Variants in C2orf92 observed in about 807,000 individuals in gnomAD.
C2orf92 encodes uncharacterized protein C2orf92.
chr2:97,669,601 CAT>C (rs1675342384), upstream of C2orf92: 1 of 389,106 alleles, frequency 2.6e-6, no homozygotes. Flanking sequence ...GGGCCACCAG[CAT>C]AGCCCCCGTC....
chr2:97,669,403 A>T (rs1675336045), upstream of C2orf92: 1 of 157,500 alleles, frequency 6.3e-6, no homozygotes, highest in Non-Finnish European at 1.4e-5. Flanking sequence ...CCCGGCTGTG[A>T]TGTCTTGATT....
At chr2:97,684,031 ATTTTTTTTTTTTT>A (rs1204247684) in intron 3 of C2orf92, among the ~76,000 whole-genome samples, 25 of 107,212 alleles carry the variant, frequency 2.3e-4, no homozygotes, top group African/African-American at 9.7e-4. Flanking sequence ...TGCCCAGCTA[ATTTTTTTTTTTTT>A]TTTTTTTTTG....
upstream of C2orf92, chr2:97,665,725 CTCTCTCTCTCTCTATA>C (rs1240104745): frequency 8.6e-4 from 39 of 45,166 alleles, no homozygotes; most frequent in African/African-American, 2.6e-3. Flanking sequence ...CTCTCTCTCT[CTCTCTCTCTCTCTATA>C]TATATATATA....
At chr2:97,693,643 A>G (rs1676211727) in intron 5 of C2orf92, among the ~76,000 whole-genome samples, 1 of 152,252 alleles carries the variant, frequency 6.6e-6, no homozygotes, top group African/African-American at 2.4e-5. Flanking sequence ...CTACTTGGTC[A>G]TAGTGAGGCT....
At chr2:97,700,239 C>T (rs2104607679) in intron 6 of C2orf92, among the ~76,000 whole-genome samples, 1 of 152,284 alleles carries the variant, frequency 6.6e-6, no homozygotes, top group South Asian at 2.1e-4. Flanking sequence ...CTCAGAGGGG[C>T]TCAGGAGCTC....
At chr2:97,673,127 AC>A (rs1342109996) in intron 1 of C2orf92, among the ~76,000 whole-genome samples, 3 of 152,056 alleles carry the variant, frequency 2.0e-5, no homozygotes, top group Non-Finnish European at 4.4e-5. Context: ...CATGGCTCCT[AC>A]CCCTGTTTTT....
chr2:97,679,921 G>A (rs942510796), intron 3 of C2orf92, among the ~76,000 whole-genome samples: 11 of 151,554 alleles, frequency 7.3e-5, no homozygotes, highest in Non-Finnish European at 1.6e-4. Flanking sequence ...AAAAAAAGCA[G>A]TAATGGGGGA....
chr2:97,671,436 G>A (rs1213058941), intron 1 of C2orf92: 4 of 398,316 alleles, frequency 1.0e-5, no homozygotes, highest in East Asian at 3.6e-5. Flanking sequence ...CGTGAGCCAC[G>A]GCACCTGGCC....
chr2:97,664,645 G>A (rs894105651), intron 1 of C2orf92: 7 of 152,082 alleles, frequency 4.6e-5, no homozygotes, highest in Non-Finnish European at 1.0e-4. Flanking sequence ...AAGTCGTCAC[G>A]GTGGGGTATT....
intron 5 of C2orf92, among the ~76,000 whole-genome samples, chr2:97,695,371 G>A (rs188105106): frequency 5.3e-5 from 8 of 152,172 alleles, no homozygotes; most frequent in South Asian, 2.1e-4. Flanking sequence ...TTATTCTTTC[G>A]CATATGATAT....
Position 97,672,630 on chromosome 2 carries a change from C to A in C2orf92, c.47-1826C>A, listed in dbSNP as rs573248853. Among the ~76,000 whole-genome samples, 7 of 151,726 alleles carry A rather than the reference C, an allele frequency of 4.6e-5. No individual in the cohort carries two copies. The East Asian group carries it at 1.4e-3, about 30-fold the overall frequency. ...GGGGGTTTGGGAAGCTCCCATCACC[C>A]CTCAAGAGTCCACTGACCAGCCCAG... is the stretch of plus-strand genomic sequence containing the variant. On this transcript the variant is annotated intron_variant, in intron 1 of 7. Coordinates refer to ENST00000627399, the MANE Select transcript of C2orf92 (RefSeq NM_001351368.2).
intron 5 of C2orf92, among the ~76,000 whole-genome samples, chr2:97,696,278 G>C (rs1165227081): frequency 6.6e-6 from 1 of 152,182 alleles, no homozygotes; most frequent in East Asian, 1.9e-4. Flanking sequence ...GAAGAGGGCT[G>C]AGAAGAACTG....
At chr2:97,664,392 G>C (rs1675135695) in exon 1 of C2orf92, 1 of 152,148 alleles carries the variant, frequency 6.6e-6, no homozygotes, top group South Asian at 2.1e-4. Flanking sequence ...CTCGGGCCAC[G>C]CTCCTTCGTG....
At chr2:97,682,756 C>T (rs966853971) in intron 3 of C2orf92, among the ~76,000 whole-genome samples, 2 of 151,654 alleles carry the variant, frequency 1.3e-5, no homozygotes, top group Non-Finnish European at 1.5e-5. Flanking sequence ...AAATTCAACA[C>T]CCTTTCATGA....
At chr2:97,686,546 C>T (rs969769260) in intron 3 of C2orf92, among the ~76,000 whole-genome samples, 2 of 152,010 alleles carry the variant, frequency 1.3e-5, no homozygotes, top group Non-Finnish European at 1.5e-5. Context: ...CAGCCTCCCG[C>T]GTAGCTGGGA....
intron 3 of C2orf92, among the ~76,000 whole-genome samples, chr2:97,684,827 T>C (rs1035561384): frequency 1.3e-5 from 2 of 152,298 alleles, no homozygotes; most frequent in East Asian, 1.9e-4. Flanking sequence ...AAAGAAGATA[T>C]ACAAATGGCC....
chr2:97,683,354 A>C (rs1277319735), intron 3 of C2orf92, among the ~76,000 whole-genome samples: 1 of 152,168 alleles, frequency 6.6e-6, no homozygotes, highest in East Asian at 1.9e-4. Flanking sequence ...ATAAAAGAAA[A>C]TAGAGAAACA....
In C2orf92 at chr2:97,675,883, G is replaced by C. The variant is rs1220407050; in HGVS notation, c.187G>C (p.Ala63Pro). 2 of 398,902 alleles carry C rather than the reference G, an allele frequency of 5.0e-6. No individual in the cohort carries two copies. 24.7% of individuals were successfully genotyped at this position (398,902 alleles called of 1,614,324 possible). A position where few individuals can be genotyped will look rare whatever the true frequency, so the allele number is the denominator to read the frequency against. Residue 63 changes from alanine (A) to proline (P), a missense_variant, in exon 3 of 8, where the codon GCA becomes CCA. Transcript: ENST00000627399. ...GAAGAGCTTGAACAATGCTGCATTT[G>C]CATCAGGTTCAAATGAGCGAGAGGA... The part of the protein sequence containing the change: ...QQKSLNNAAF[A>P]SGSNEREEHL...
intron 5 of C2orf92, among the ~76,000 whole-genome samples, chr2:97,693,937 C>A (rs993355649): frequency 1.3e-5 from 2 of 152,128 alleles, no homozygotes; most frequent in Non-Finnish European, 2.9e-5. Context: ...CCATCTTAAC[C>A]ATTTTTAAGG....
Sources: gnomAD v4.1 joint callset for allele counts (sites outside exome capture counted in the v4.1 genomes callset) on GRCh38, gnomAD v4.1.1 for gene constraint, MANE v1.5 for transcripts, NCBI Gene and HGNC (gene_info 2026-07-23, HGNC 2026-07-21) for gene names.